NAV1: variants seen among roughly 807,000 people sequenced by gnomAD.
The protein encoded by NAV1 is neuron navigator 1.
Under a neutral mutation model 175.2 loss-of-function variants are expected in NAV1, and 18 were observed. The observed-to-expected ratio is 0.10, with a 90% CI of 0.07 to 0.15. The LOEUF (loss-of-function observed/expected upper bound fraction) is 0.15, where lower values mean the gene tolerates loss of function less well. Among genes scored for constraint, NAV1 ranks in the 10% least tolerant of loss-of-function variants. The pLI, the probability that NAV1 is intolerant of heterozygous loss-of-function variation, is 1.00. For synonymous variants in NAV1, 897 were observed against 978.7 expected (o/e 0.92, Z 1.56); for missense variants, 1,731 against 2,436.6 (o/e 0.71, Z 6.10).
chr1:201,718,309 C>G lies in NAV1; in HGVS notation c.861-81C>G. On this transcript the variant is annotated intron_variant, in intron 2 of 29. Transcript: ENST00000367296. This position sits in a 1 kb window ranked among gnomAD's most constrained non-coding sequence, Gnocchi z 4.8. ...ACAGGGCCTGTGGGTGGAGGGGAGG[C>G]ATTGCTGGGGTGCATGTGAGGGGAC... 7.3e-7 allele frequency: 1 copy of G among 1,370,816 alleles called. No individual in the cohort carries two copies. Among genetic ancestry groups the G allele is most frequent in the Non-Finnish European group, 9.5e-7 (1 of 1,051,944 alleles). 84.9% of individuals were successfully genotyped at this position (1,370,816 alleles called of 1,614,324 possible).
chr1:201,774,689 T>G (rs1571479409), intron 3 of NAV1, among the ~76,000 whole-genome samples: 1 of 152,210 alleles, frequency 6.6e-6, no homozygotes, highest in African/African-American at 2.4e-5. Flanking sequence ...ACTCCAAAGC[T>G]AATGTCTCGT....
intron 17 of NAV1, among the ~76,000 whole-genome samples, chr1:201,806,659 G>A (rs1463582342): frequency 6.6e-6 from 1 of 152,178 alleles, no homozygotes. Flanking sequence ...TCAACTCTCT[G>A]GCCTTTTCAG....
At chr1:201,715,690 A>C (rs1672111140) in intron 2 of NAV1, among the ~76,000 whole-genome samples, 1 of 152,212 alleles carries the variant, frequency 6.6e-6, no homozygotes, top group African/African-American at 2.4e-5. Context: ...AACACACACA[A>C]GCTTCATCCT....
intron 2 of NAV1, among the ~76,000 whole-genome samples, chr1:201,590,089 C>T (rs1307909595): frequency 6.6e-6 from 1 of 151,978 alleles, no homozygotes; most frequent in South Asian, 2.1e-4. Context: ...GATGGGATTT[C>T]ACCCTATTGG....
In NAV1 at chr1:201,643,018, T is replaced by C. The variant is rs530402272; in HGVS notation, c.5-5616T>C. Among the ~76,000 whole-genome samples, 401 of 151,768 alleles carry C rather than the reference T, an allele frequency of 2.6e-3. 1 individual carries two copies. The highest frequency in any genetic ancestry group is 9.2e-3 in the African/African-American group (382 of 41,382). ...CTCAATCTCCTGACCTCGTGATCCG[T>C]CCGCCTTGGCCTCCCAAAGTGCTGG... On this transcript the variant is annotated intron_variant, in intron 2 of 29. Coordinates refer to the NAV1 transcript ENST00000367302.
intron 3 of NAV1, among the ~76,000 whole-genome samples, chr1:201,773,675 G>A (rs1571478344): frequency 6.6e-6 from 1 of 152,154 alleles, no homozygotes; most frequent in East Asian, 1.9e-4. Context: ...GAGCAATGAG[G>A]GGAAAAGGTG....
intron 3 of NAV1, among the ~76,000 whole-genome samples, chr1:201,765,586 G>A (rs565631412): frequency 6.6e-6 from 1 of 151,916 alleles, no homozygotes; most frequent in Non-Finnish European, 1.5e-5. Flanking sequence ...GTAGAGACGG[G>A]GTTTCACCAT....
At chr1:201,651,846 G>A (rs1669218620) in intron 1 of NAV1, among the ~76,000 whole-genome samples, 1 of 152,146 alleles carries the variant, frequency 6.6e-6, no homozygotes, top group Non-Finnish European at 1.5e-5. Context: ...CTCCAGCTGA[G>A]AGGACCCAAA....
chr1:201,751,119 A>G (rs1247627043), intron 3 of NAV1, among the ~76,000 whole-genome samples: 1 of 152,290 alleles, frequency 6.6e-6, no homozygotes. Flanking sequence ...CTAGCCAGTC[A>G]TTTCCTGTGT....
At chr1:201,826,546 CAGGT>C (rs1481108093) in exon 30 of NAV1, 1 of 152,172 alleles carries the variant, frequency 6.6e-6, no homozygotes, top group Non-Finnish European at 1.5e-5. Context: ...TGGTGTTCCT[CAGGT>C]GGAGAGTGGG....
chr1:201,643,026 G>A (rs1026803771), intron 2 of NAV1, among the ~76,000 whole-genome samples: 17 of 151,240 alleles, frequency 1.1e-4, no homozygotes, highest in Non-Finnish European at 2.2e-4. Context: ...CGTCCGCCTT[G>A]GCCTCCCAAA....
rs1674031096 is a variant in NAV1, at chr1:201,750,406, G to A, written c.1227-30015G>A. On this transcript the variant is annotated intron_variant, in intron 3 of 29. Coordinates refer to ENST00000367296, the Ensembl canonical transcript of NAV1. This position sits in a 1 kb window ranked among gnomAD's most constrained non-coding sequence, Gnocchi z 4.1. Reference sequence around the variant, plus strand: ...GGGGAGGGGAGGAAGAGGGGCAGGTGGACTTGGTGACTCTGCCTCCCTTTC... The same window carrying A: ...GGGGAGGGGAGGAAGAGGGGCAGGTAGACTTGGTGACTCTGCCTCCCTTTC... 6.6e-6 allele frequency among the ~76,000 whole-genome samples: 1 copy of A among 152,074 alleles called. No homozygotes were observed. Among genetic ancestry groups the A allele is most frequent in the South Asian group, 2.1e-4 (1 of 4,822 alleles).
intron 3 of NAV1, chr1:201,723,303 G>A (rs1047801058): frequency 3.3e-5 from 5 of 152,162 alleles, no homozygotes; most frequent in Admixed American, 3.3e-4. Context: ...TGAGTGTTAA[G>A]AGTTCTTTAT....
At chr1:201,762,842 T>G (rs1398170571) in intron 3 of NAV1, among the ~76,000 whole-genome samples, 3 of 152,234 alleles carry the variant, frequency 2.0e-5, no homozygotes, top group African/African-American at 7.2e-5. Context: ...TGCAGTGGAC[T>G]CCTAAGGAAA....
intron 1 of NAV1, among the ~76,000 whole-genome samples, chr1:201,662,547 T>A (rs1026172222): frequency 6.6e-6 from 1 of 152,170 alleles, no homozygotes; most frequent in Non-Finnish European, 1.5e-5. Flanking sequence ...TCAATTCCAG[T>A]GCTTACCAGC....
intron 1 of NAV1, among the ~76,000 whole-genome samples, chr1:201,541,097 A>AT (rs1350134913): frequency 6.6e-6 from 1 of 152,044 alleles, no homozygotes; most frequent in Non-Finnish European, 1.5e-5. Flanking sequence ...TCTGCTTTGC[A>AT]TTTTTTGTTT....
At chr1:201,604,167 A>G (rs1326613543) in intron 2 of NAV1, among the ~76,000 whole-genome samples, 1 of 152,004 alleles carries the variant, frequency 6.6e-6, no homozygotes, top group African/African-American at 2.4e-5. Context: ...GGATCCTCTC[A>G]CCTCAGCCTC....
At chr1:201,699,641 T>G (rs765825826) in intron 1 of NAV1, among the ~76,000 whole-genome samples, 1 of 152,232 alleles carries the variant, frequency 6.6e-6, no homozygotes, top group Non-Finnish European at 1.5e-5. Flanking sequence ...AAGACAATCC[T>G]AAGCCAAAAG....
Position 201,787,601 on chromosome 1 carries a change from C to T in NAV1, c.2996-867C>T. The T allele has an allele frequency of 2.2e-6, 1 of 453,346 alleles. No individual in the cohort carries two copies. The highest frequency in any genetic ancestry group is 4.4e-6 in the Non-Finnish European group (1 of 225,390). 28.1% of individuals were successfully genotyped at this position (453,346 alleles called of 1,614,324 possible). A position where few individuals can be genotyped will look rare whatever the true frequency, so the allele number is the denominator to read the frequency against. ...AGGGGCTGGGCTAAGCAATAATTAC[C>T]TCAGGAATTTGAAAAGGTCAACAGA... On this transcript the variant is annotated intron_variant, in intron 9 of 29. Coordinates refer to ENST00000367296, the Ensembl canonical transcript of NAV1. The surrounding 1 kb of genome is among the most constrained non-coding windows in gnomAD (Gnocchi z 4.3).
Sources: allele counts gnomAD v4.1 joint callset (sites outside exome capture counted in the v4.1 genomes callset), GRCh38; gene constraint gnomAD v4.1.1; non-coding constraint Gnocchi (gnomAD v3.1); transcripts MANE v1.5; gene names NCBI Gene and HGNC (gene_info 2026-07-23, HGNC 2026-07-21).